The following GALK2 variants were observed in gnomAD, a reference collection of about 807,000 sequenced individuals.
GALK2 encodes the protein galactokinase 2, also known as N-acetylgalactosamine kinase.
Under a neutral mutation model 52.4 loss-of-function variants are expected in GALK2, and 36 were observed. The ratio of observed to expected loss-of-function variants is 0.69; its 90% CI spans 0.53 to 0.91. The LOEUF (loss-of-function observed/expected upper bound fraction) is 0.91, where lower values mean the gene tolerates loss of function less well. Among genes scored for constraint, GALK2 ranks in the 40% least tolerant of loss-of-function variants. The pLI is 0.00. For synonymous variants in GALK2, 176 were observed against 199.1 expected (o/e 0.88, Z 0.98); for missense variants, 579 against 559.1 (o/e 1.04, Z -0.36).
At position 49,317,522 on chromosome 15, in the gene GALK2, C is replaced by G. The variant is rs561645219; in HGVS notation, c.968-2082C>G. On this transcript the variant is annotated intron_variant, in intron 8 of 9. Transcript: ENST00000560031. Reference sequence around the variant, plus strand: ...GTGGCGATTCCTCAAGGATCTTGAACTAGAAAGACCATTTGACCCAGCAAT... The same window carrying G: ...GTGGCGATTCCTCAAGGATCTTGAAGTAGAAAGACCATTTGACCCAGCAAT... 1.2e-4 allele frequency among the ~76,000 whole-genome samples: 19 copies of G among 152,098 alleles called. No homozygotes were observed. In the South Asian group the frequency reaches 3.7e-3, roughly 30 times the overall value.
In GALK2 at chr15:49,195,383, T is replaced by G. The variant is rs187003411; in HGVS notation, c.54-5779T>G. Among the ~76,000 whole-genome samples, 70 of 152,358 alleles carry G rather than the reference T, an allele frequency of 4.6e-4. No individual in the cohort carries two copies. The East Asian group carries it at 0.013, about 29-fold the overall frequency. On this transcript the variant is annotated intron_variant, in intron 1 of 9. Coordinates refer to ENST00000560031, the MANE Select transcript of GALK2 (RefSeq NM_002044.4). ...ACAGTGCCCAGCCCGTTTCTTTAAG[T>G]CTATTTGTCTTTCAAGAATGTTTAA... is the stretch of plus-strand genomic sequence containing the variant.
intron 8 of GALK2, among the ~76,000 whole-genome samples, chr15:49,309,149 C>T (rs568794286): frequency 2.0e-5 from 3 of 152,304 alleles, no homozygotes; most frequent in Admixed American, 6.5e-5. Flanking sequence ...CATATCCAGA[C>T]TGCTCTTGTG....
chr15:49,191,810 T>G (rs1440729777), intron 1 of GALK2, among the ~76,000 whole-genome samples: 1 of 152,208 alleles, frequency 6.6e-6, no homozygotes, highest in African/African-American at 2.4e-5. Context: ...CATTGTTGAT[T>G]CTTGCCTGAA....
At chr15:49,226,738 C>T (rs2090156146) in intron 3 of GALK2, 1 of 152,072 alleles carries the variant, frequency 6.6e-6, no homozygotes, top group African/African-American at 2.4e-5. Flanking sequence ...TCTCTGTTGG[C>T]AGTGTTTTTA....
Position 49,329,537 on chromosome 15 carries a change from C to T in GALK2, c.*1378C>T. The T allele has an allele frequency of 2.0e-6, 2 of 985,196 alleles. No homozygotes were observed. The highest frequency in any genetic ancestry group is 4.7e-5 in the South Asian group (1 of 21,282). 61.0% of individuals were successfully genotyped at this position (985,196 alleles called of 1,614,324 possible). On this transcript the variant is annotated 3_prime_UTR_variant, in exon 10 of 10. Transcript: ENST00000560031. ...GGCCTGCGCAAAGCTAGTTTTATTT[C>T]TTAAAGGATAACAGTCATACATAGA...
At chr15:49,224,891 A>G (rs112447714) in intron 3 of GALK2, among the ~76,000 whole-genome samples, 8 of 152,198 alleles carry the variant, frequency 5.3e-5, no homozygotes, top group African/African-American at 1.7e-4. Context: ...GGTTGCTTTC[A>G]GAGGGCCAAG....
At position 49,329,739 on chromosome 15, in the gene GALK2, T is replaced by C. The variant is rs937676870; in HGVS notation, c.*1580T>C. ...AAATTTATAATCCTTTATTTTTTAA[T>C]ACCGTGCCATTTTCCACAAAGGATT... On this transcript the variant is annotated 3_prime_UTR_variant, in exon 10 of 10. Transcript: ENST00000560031. 3.6e-5 allele frequency: 35 copies of C among 973,758 alleles called. No individual in the cohort carries two copies. Among genetic ancestry groups the C allele is most frequent in the Non-Finnish European group, 4.1e-5 (34 of 820,050 alleles). 60.3% of individuals were successfully genotyped at this position (973,758 alleles called of 1,614,324 possible).
chr15:49,250,140 T>C (rs1683521565), intron 5 of GALK2, among the ~76,000 whole-genome samples: 3 of 152,188 alleles, frequency 2.0e-5, no homozygotes, highest in Admixed American at 6.6e-5. Context: ...AAAATGGCCT[T>C]GCTGAGGAAA....
upstream of GALK2, among the ~76,000 whole-genome samples, chr15:49,165,800 C>CTT (rs552058665): frequency 9.2e-4 from 124 of 134,706 alleles, 1 homozygote; most frequent in African/African-American, 1.9e-3. Context: ...TAATGTATTT[C>CTT]TTTTTTTTTT....
chr15:49,303,557 G>GA (rs1296468529), intron 8 of GALK2, among the ~76,000 whole-genome samples: 1 of 152,184 alleles, frequency 6.6e-6, no homozygotes, highest in African/African-American at 2.4e-5. Flanking sequence ...TTTGAAGCAT[G>GA]AAAAATACAT....
intron 1 of GALK2, among the ~76,000 whole-genome samples, chr15:49,193,479 A>G (rs904400194): frequency 1.3e-5 from 2 of 151,576 alleles, no homozygotes; most frequent in East Asian, 1.9e-4. Flanking sequence ...ACATTTTTAT[A>G]TAGTCAACTC....
chr15:49,337,211 G>T (rs1218787475), intron 3 of GALK2, among the ~76,000 whole-genome samples: 1 of 152,204 alleles, frequency 6.6e-6, no homozygotes, highest in Non-Finnish European at 1.5e-5. Flanking sequence ...TATATACCCA[G>T]TAATGGGACT....
At chr15:49,170,613 C>T in intron 1 of GALK2, 1 of 513,808 alleles carries the variant, frequency 1.9e-6, no homozygotes, top group Non-Finnish European at 3.5e-6. Flanking sequence ...GCAGATTCTT[C>T]TTTTCCTTTT....
chr15:49,234,623 T>G (rs1490602403), intron 3 of GALK2, among the ~76,000 whole-genome samples: 1 of 152,150 alleles, frequency 6.6e-6, no homozygotes, highest in Non-Finnish European at 1.5e-5. Context: ...ATGAGACTTA[T>G]TCACTATCAT....
At chr15:49,162,357 T>A (rs2084682286) in intron 1 of GALK2, among the ~76,000 whole-genome samples, 1 of 152,268 alleles carries the variant, frequency 6.6e-6, no homozygotes, top group African/African-American at 2.4e-5. Context: ...ATTACATGGA[T>A]ATATTACAAT....
chr15:49,312,177 C>A (rs768905498), intron 8 of GALK2, among the ~76,000 whole-genome samples: 3 of 152,206 alleles, frequency 2.0e-5, no homozygotes, highest in Non-Finnish European at 4.4e-5. Flanking sequence ...GCTTTAGCAT[C>A]TCTTGCCCTT....
chr15:49,354,975 G>A (rs1259247793), intron 3 of GALK2, among the ~76,000 whole-genome samples: 2 of 151,684 alleles, frequency 1.3e-5, no homozygotes, highest in African/African-American at 4.9e-5. Context: ...CCCCAGCAGG[G>A]GCACACTGAC....
chr15:49,289,537 T>G (rs1201815629), intron 7 of GALK2, among the ~76,000 whole-genome samples: 8 of 152,180 alleles, frequency 5.3e-5, no homozygotes. Context: ...CTGAAAGTGC[T>G]AGGGAGTTAA....
chr15:49,211,208 A>G (rs1400847829), intron 2 of GALK2, among the ~76,000 whole-genome samples: 1 of 152,162 alleles, frequency 6.6e-6, no homozygotes, highest in Non-Finnish European at 1.5e-5. Context: ...TCTCAAGTTC[A>G]AAGTTCCACA....
Sources: allele counts gnomAD v4.1 joint callset (sites outside exome capture counted in the v4.1 genomes callset), GRCh38; gene constraint gnomAD v4.1.1; transcripts MANE v1.5; gene names NCBI Gene and HGNC (gene_info 2026-07-23, HGNC 2026-07-21).